The following PDZRN3 variants were observed in gnomAD, a reference collection of about 807,000 sequenced individuals.
PDZRN3 encodes E3 ubiquitin-protein ligase PDZRN3.
PDZRN3 carries 38 observed loss-of-function variants against 85.7 expected under a neutral mutation model. The observed-to-expected ratio is 0.44, with a 90% CI of 0.34 to 0.58. The LOEUF (loss-of-function observed/expected upper bound fraction) is 0.58. Ranked by LOEUF, PDZRN3 falls within the 20% of genes least tolerant of loss-of-function variation. PDZRN3 has a pLI of 0.01. For missense variants in PDZRN3, 1,629 were observed against 1,506.4 expected (o/e 1.08, Z -1.35); for synonymous variants, 759 against 638.0 (o/e 1.19, Z -2.86).
chr3:73,511,184 A>G (rs1374087069), intron 3 of PDZRN3, among the ~76,000 whole-genome samples: 1 of 151,702 alleles, frequency 6.6e-6, no homozygotes, highest in Non-Finnish European at 1.5e-5. Flanking sequence ...CCCCTCTCTT[A>G]CCCCCAGTAA....
At chr3:73,552,827 T>C (rs1023669931) in intron 3 of PDZRN3, among the ~76,000 whole-genome samples, 1 of 152,186 alleles carries the variant, frequency 6.6e-6, no homozygotes, top group African/African-American at 2.4e-5. Context: ...GGAAGGTAAA[T>C]ATTTCTATTA....
chr3:73,614,503 A>G (rs887198491), intron 1 of PDZRN3, among the ~76,000 whole-genome samples: 11 of 152,214 alleles, frequency 7.2e-5, no homozygotes, highest in African/African-American at 2.7e-4. Flanking sequence ...GACTCACAGC[A>G]GAGAACTGGC....
intron 1 of PDZRN3, among the ~76,000 whole-genome samples, chr3:73,622,159 C>T (rs2106922422): frequency 6.6e-6 from 1 of 152,308 alleles, no homozygotes; most frequent in Non-Finnish European, 1.5e-5. Context: ...GATTCGAAGG[C>T]TCACACCAGT....
intron 3 of PDZRN3, among the ~76,000 whole-genome samples, chr3:73,468,847 C>A (rs997980076): frequency 6.6e-6 from 1 of 152,120 alleles, no homozygotes; most frequent in Non-Finnish European, 1.5e-5. Context: ...TATCACCTAA[C>A]CTCAGAGCCT....
chr3:73,477,461 A>G (rs1703479233), intron 3 of PDZRN3, among the ~76,000 whole-genome samples: 1 of 152,232 alleles, frequency 6.6e-6, no homozygotes, highest in African/African-American at 2.4e-5. Flanking sequence ...GATTGTCCAC[A>G]GTCTTGGATT....
chr3:73,440,639 C>T (rs925713506), intron 3 of PDZRN3, among the ~76,000 whole-genome samples: 6 of 152,198 alleles, frequency 3.9e-5, no homozygotes, highest in East Asian at 1.9e-4. Flanking sequence ...GGGCGGTTCC[C>T]GAGCAAGTCA....
intron 3 of PDZRN3, among the ~76,000 whole-genome samples, chr3:73,417,198 C>T (rs1450945112): frequency 6.6e-6 from 1 of 152,082 alleles, no homozygotes; most frequent in Non-Finnish European, 1.5e-5. Context: ...GTAACTCCAT[C>T]GTAAGTTAAG....
intron 3 of PDZRN3, among the ~76,000 whole-genome samples, chr3:73,513,163 G>C (rs1362208488): frequency 6.6e-6 from 1 of 152,128 alleles, no homozygotes; most frequent in Non-Finnish European, 1.5e-5. Context: ...GGGCAACCCA[G>C]GCTTCCCAAG....
rs1030479873 is a variant in PDZRN3 at position 73,441,399 on chromosome 3, G to T, written c.919-37004C>A. The stretch of plus-strand genomic sequence containing the variant: ...CTACACTTCAGTCTGGTGACATAGT[G>T]AGACTCTGTCCCAAAAAAAAAAAAA... On this transcript the variant is annotated intron_variant, in intron 3 of 9. Transcript: ENST00000263666. 6.2e-5 allele frequency among the ~76,000 whole-genome samples: 7 copies of T among 112,652 alleles called. No homozygotes were observed. The Admixed American group carries it at 7.6e-4, about 12-fold the overall frequency. 73.9% of individuals were successfully genotyped at this position (112,652 alleles called of 152,430 possible).
At chr3:73,581,789 T>C (rs899996124) in intron 3 of PDZRN3, among the ~76,000 whole-genome samples, 7 of 146,974 alleles carry the variant, frequency 4.8e-5, no homozygotes, top group Non-Finnish European at 3.0e-5. Flanking sequence ...GTTGCTTCTG[T>C]GTAAAGACAA....
intron 3 of PDZRN3, among the ~76,000 whole-genome samples, chr3:73,594,301 A>T (rs1266189306): frequency 6.6e-6 from 1 of 152,178 alleles, no homozygotes; most frequent in African/African-American, 2.4e-5. Flanking sequence ...AGATTTTCTC[A>T]ATAATTCTAT....
chr3:73,522,970 T>C (rs373597466), intron 3 of PDZRN3, among the ~76,000 whole-genome samples: 27 of 152,214 alleles, frequency 1.8e-4, no homozygotes, highest in African/African-American at 6.0e-4. Flanking sequence ...TTCTAGCCAA[T>C]GAAATATGAC....
intron 3 of PDZRN3, among the ~76,000 whole-genome samples, chr3:73,548,311 T>G (rs565144276): frequency 6.6e-6 from 1 of 152,258 alleles, no homozygotes; most frequent in South Asian, 2.1e-4. Flanking sequence ...TCCAAAACAT[T>G]GAATATTTTG....
intron 3 of PDZRN3, among the ~76,000 whole-genome samples, chr3:73,591,121 C>A (rs1702351471): frequency 6.6e-6 from 1 of 152,016 alleles, no homozygotes; most frequent in Non-Finnish European, 1.5e-5. Flanking sequence ...ACATTCATAT[C>A]AAGACATAAA....
intron 3 of PDZRN3, among the ~76,000 whole-genome samples, chr3:73,571,640 T>C (rs374193990): frequency 2.7e-4 from 41 of 152,136 alleles, no homozygotes; most frequent in African/African-American, 9.7e-4. Flanking sequence ...CCACATACCT[T>C]TTCAATCAAA....
intron 3 of PDZRN3, among the ~76,000 whole-genome samples, chr3:73,509,542 G>A (rs1284121718): frequency 6.6e-6 from 1 of 152,156 alleles, no homozygotes; most frequent in African/African-American, 2.4e-5. Flanking sequence ...ATGGCTCAAA[G>A]GGGCGTTCCC....
intron 1 of PDZRN3, among the ~76,000 whole-genome samples, chr3:73,620,780 G>A (rs1421043273): frequency 3.3e-5 from 5 of 152,016 alleles, no homozygotes; most frequent in Admixed American, 2.6e-4. Flanking sequence ...GTTTCACCGT[G>A]TTAGCCAGGA....
At chr3:73,521,592 C>T (rs1245135053) in intron 3 of PDZRN3, among the ~76,000 whole-genome samples, 1 of 152,090 alleles carries the variant, frequency 6.6e-6, no homozygotes, top group African/African-American at 2.4e-5. Flanking sequence ...ATTCTAGAAG[C>T]CCAGCATCCA....
chr3:73,619,031 C>A (rs1036363652), intron 1 of PDZRN3, among the ~76,000 whole-genome samples: 4 of 152,122 alleles, frequency 2.6e-5, no homozygotes, highest in African/African-American at 4.8e-5. Context: ...TTACTTATTT[C>A]CAGTTCTGAA....
Sources: gnomAD v4.1 joint callset for allele counts (sites outside exome capture counted in the v4.1 genomes callset) on GRCh38, gnomAD v4.1.1 for gene constraint, MANE v1.5 for transcripts, NCBI Gene and HGNC (gene_info 2026-07-23, HGNC 2026-07-21) for gene names.